The following AUTS2 variants were observed in gnomAD, a reference collection of about 807,000 sequenced individuals.
The protein encoded by AUTS2 is autism susceptibility gene 2 protein.
Under a neutral mutation model 112.4 loss-of-function variants are expected in AUTS2, and 17 were observed. The ratio of observed to expected loss-of-function variants is 0.15; its 90% CI spans 0.10 to 0.23. The LOEUF (loss-of-function observed/expected upper bound fraction) is 0.23. Among genes scored for constraint, AUTS2 ranks in the 10% least tolerant of loss-of-function variants. The pLI is 1.00. For missense variants in AUTS2, 1,510 were observed against 1,701.6 expected (o/e 0.89, Z 1.98); for synonymous variants, 751 against 702.7 (o/e 1.07, Z -1.09).
At chr7:70,480,915 A>G (rs1002452437) in intron 5 of AUTS2, among the ~76,000 whole-genome samples, 1 of 152,212 alleles carries the variant, frequency 6.6e-6, no homozygotes, top group Non-Finnish European at 1.5e-5. Context: ...GGCAGGGAGT[A>G]GTCTTTGCAG....
intron 2 of AUTS2, among the ~76,000 whole-genome samples, chr7:70,034,156 C>A (rs1026708148): frequency 6.6e-6 from 1 of 152,120 alleles, no homozygotes; most frequent in Non-Finnish European, 1.5e-5. Context: ...TGTAGATATT[C>A]TTTTAACTGT....
intron 6 of AUTS2, among the ~76,000 whole-genome samples, chr7:70,707,543 C>T (rs1223672501): frequency 6.6e-6 from 1 of 152,096 alleles, no homozygotes; most frequent in African/African-American, 2.4e-5. Flanking sequence ...TTGGGGGAAA[C>T]TGGGTTCTAT....
chr7:70,536,122 G>A (rs975953515), intron 5 of AUTS2, among the ~76,000 whole-genome samples: 6 of 152,132 alleles, frequency 3.9e-5, no homozygotes, highest in African/African-American at 1.2e-4. Flanking sequence ...GAGGTCAGGA[G>A]TTCGAAACCA....
At chr7:70,692,763 CTTTTT>C (rs3053872) in intron 5 of AUTS2, among the ~76,000 whole-genome samples, 4 of 147,266 alleles carry the variant, frequency 2.7e-5, no homozygotes, top group Middle Eastern at 3.5e-3. Flanking sequence ...GCACCCCCAC[CTTTTT>C]TTTTTTTTTT....
intron 2 of AUTS2, among the ~76,000 whole-genome samples, chr7:70,037,954 G>T (rs973367269): frequency 6.8e-6 from 1 of 146,854 alleles, no homozygotes; most frequent in Non-Finnish European, 1.5e-5. Flanking sequence ...AATATCCTTT[G>T]ATACCCCGCC....
chr7:70,088,779 A>AT (rs1368980996), intron 2 of AUTS2, among the ~76,000 whole-genome samples: 5 of 151,508 alleles, frequency 3.3e-5, no homozygotes, highest in Non-Finnish European at 7.4e-5. Context: ...TGCCCAGCTA[A>AT]TTTTTTGTAT....
intron 2 of AUTS2, among the ~76,000 whole-genome samples, chr7:70,012,756 T>C (rs1408230951): frequency 3.3e-5 from 5 of 152,232 alleles, no homozygotes; most frequent in Admixed American, 3.3e-4. Flanking sequence ...GCCCGGGCAC[T>C]TCAGTTGAAG....
At chr7:70,335,865 A>C (rs554070429) in intron 4 of AUTS2, among the ~76,000 whole-genome samples, 1 of 152,312 alleles carries the variant, frequency 6.6e-6, no homozygotes, top group East Asian at 1.9e-4. Flanking sequence ...ATTGTGCATG[A>C]CATAGTGCAG....
chr7:70,492,696 G>A (rs903962149), intron 5 of AUTS2, among the ~76,000 whole-genome samples: 2 of 152,192 alleles, frequency 1.3e-5, no homozygotes, highest in African/African-American at 4.8e-5. Context: ...AGGGGATCAT[G>A]TATAGAGAGT....
chr7:70,475,803 A>G (rs1158331452), intron 5 of AUTS2, among the ~76,000 whole-genome samples: 1 of 152,188 alleles, frequency 6.6e-6, no homozygotes, highest in African/African-American at 2.4e-5. Flanking sequence ...TGGGAGGCCA[A>G]GGTGAGAGGA....
At chr7:70,207,729 C>T (rs976529961) in intron 4 of AUTS2, among the ~76,000 whole-genome samples, 26 of 151,908 alleles carry the variant, frequency 1.7e-4, no homozygotes, top group African/African-American at 4.6e-4. Context: ...ATTACATTAC[C>T]GGCTGGGCAT....
At chr7:69,772,115 C>A (rs1230085081) in intron 1 of AUTS2, among the ~76,000 whole-genome samples, 1 of 152,054 alleles carries the variant, frequency 6.6e-6, no homozygotes, top group East Asian at 1.9e-4. Context: ...TGAGAAGAAA[C>A]AGAAATGGGG....
intron 1 of AUTS2, among the ~76,000 whole-genome samples, chr7:69,774,228 G>A (rs996542944): frequency 6.6e-6 from 1 of 152,092 alleles, no homozygotes; most frequent in Non-Finnish European, 1.5e-5. Context: ...CCTGGGCAAC[G>A]TAGACCTCCG....
intron 1 of AUTS2, among the ~76,000 whole-genome samples, chr7:69,880,248 G>A (rs1459552459): frequency 6.6e-6 from 1 of 152,084 alleles, no homozygotes; most frequent in East Asian, 1.9e-4. Context: ...AACAGCAAGG[G>A]GGAAATCCGT....
At chr7:70,570,108 C>A (rs1379735562) in intron 5 of AUTS2, among the ~76,000 whole-genome samples, 1 of 152,142 alleles carries the variant, frequency 6.6e-6, no homozygotes, top group Admixed American at 6.5e-5. Context: ...AAATCTTAGT[C>A]CAGGGAGACC....
At chr7:70,070,263 T>G (rs1286395870) in intron 2 of AUTS2, among the ~76,000 whole-genome samples, 1 of 152,044 alleles carries the variant, frequency 6.6e-6, no homozygotes, top group African/African-American at 2.4e-5. Flanking sequence ...ATATATGTGT[T>G]TATTTAAATT....
rs1481701215 is a variant in AUTS2 at position 70,792,454 on chromosome 7, A to G, written c.*1458A>G. On this transcript the variant is annotated 3_prime_UTR_variant, in exon 19 of 19. Coordinates refer to ENST00000342771, the MANE Select transcript of AUTS2 (RefSeq NM_015570.4). ...GTTCCATTTGGTCTTCTAGTATATT[A>G]AAGTGCTATCTGACGTTGTTATCCT... The G allele has an allele frequency of 6.6e-6, 1 of 151,940 alleles. No individual in the cohort carries two copies. The highest frequency in any genetic ancestry group is 1.5e-5 in the Non-Finnish European group (1 of 67,914). 9.4% of individuals were successfully genotyped at this position (151,940 alleles called of 1,614,324 possible). A position where few individuals can be genotyped will look rare whatever the true frequency, so the allele number is the denominator to read the frequency against.
chr7:70,081,970 G>A (rs953335689), intron 2 of AUTS2, among the ~76,000 whole-genome samples: 24 of 150,560 alleles, frequency 1.6e-4, no homozygotes, highest in Non-Finnish European at 2.8e-4. Flanking sequence ...GTGTGTGCGC[G>A]CGCCTGTGTG....
At chr7:70,043,833 T>A (rs943939103) in intron 2 of AUTS2, among the ~76,000 whole-genome samples, 1 of 152,034 alleles carries the variant, frequency 6.6e-6, no homozygotes, top group Non-Finnish European at 1.5e-5. Flanking sequence ...GCTCTCGGAC[T>A]CCCGATCTCA....
Sources: gnomAD v4.1 joint callset for allele counts (sites outside exome capture counted in the v4.1 genomes callset) on GRCh38, gnomAD v4.1.1 for gene constraint, MANE v1.5 for transcripts, NCBI Gene and HGNC (gene_info 2026-07-23, HGNC 2026-07-21) for gene names.